TENM1: variants seen among roughly 807,000 people sequenced by gnomAD.
TENM1 encodes teneurin-1.
Under a neutral mutation model 174.8 loss-of-function variants are expected in TENM1, and 35 were observed. The ratio of observed to expected loss-of-function variants is 0.20; its 90% CI spans 0.15 to 0.27. The LOEUF is 0.27. TENM1 is among the 10% of genes least tolerant of loss of function. The probability of loss-of-function intolerance (pLI) is 1.00; values close to 1 mark genes in which losing one functional copy is unlikely to be tolerated. For synonymous variants in TENM1, 781 were observed against 798.7 expected (o/e 0.98, Z 0.37); for missense variants, 1,633 against 2,130.1 (o/e 0.77, Z 4.59).
chrX:124,568,178 A>C (rs2148181043), intron 11 of TENM1, among the ~76,000 whole-genome samples: 1 of 112,137 alleles, frequency 8.9e-6, no homozygotes, highest in Non-Finnish European at 1.9e-5. Context: ...GAGGATGCTA[A>C]AAGCCAAAGC....
chrX:124,407,235 A>T (rs986154192), intron 25 of TENM1, among the ~76,000 whole-genome samples: 10 of 104,732 alleles, frequency 9.5e-5, no homozygotes, highest in Non-Finnish European at 1.8e-4. Flanking sequence ...AAAAAAAAAA[A>T]AAATCAGAAT....
At chrX:124,492,028 A>G (rs2047078690) in intron 20 of TENM1, among the ~76,000 whole-genome samples, 1 of 111,923 alleles carries the variant, frequency 8.9e-6, no homozygotes, top group South Asian at 3.8e-4. Flanking sequence ...CCTGAAGTCA[A>G]TTTTATAGAT....
At chrX:124,579,231 T>C (rs770049610) in intron 11 of TENM1, among the ~76,000 whole-genome samples, 2 of 111,808 alleles carry the variant, frequency 1.8e-5, no homozygotes, top group Admixed American at 1.9e-4. Context: ...CACACTGAAG[T>C]CCAAAATCCT....
chrX:124,845,244 C>T (rs1248782889), intron 3 of TENM1, among the ~76,000 whole-genome samples: 6 of 111,593 alleles, frequency 5.4e-5, no homozygotes, highest in Admixed American at 1.9e-4. Context: ...GACACATATC[C>T]AGCACAGTGC....
At chrX:124,783,958 G>A (rs1199636905) in intron 3 of TENM1, among the ~76,000 whole-genome samples, 1 of 112,519 alleles carries the variant, frequency 8.9e-6, no homozygotes, top group Admixed American at 9.4e-5. Context: ...TCATGCATGT[G>A]TGAGGCTGAC....
At chrX:124,475,397 C>A (rs2061376070) in intron 22 of TENM1, among the ~76,000 whole-genome samples, 1 of 111,423 alleles carries the variant, frequency 9.0e-6, no homozygotes, top group Admixed American at 9.6e-5. Context: ...TTCCTGAGTT[C>A]ATTGGCCTCC....
At chrX:125,103,098 G>A in the TENM1 span, among the ~76,000 whole-genome samples, 1 of 112,204 alleles carries the variant, frequency 8.9e-6, no homozygotes, top group African/African-American at 3.2e-5. Context: ...ACTTGACATT[G>A]CAAATATATT....
chrX:125,015,281 T>C, the TENM1 span, among the ~76,000 whole-genome samples: 1 of 111,578 alleles, frequency 9.0e-6, no homozygotes, highest in South Asian at 3.8e-4. Flanking sequence ...GAAATGTAAC[T>C]GGGCATCCTA....
intron 11 of TENM1, among the ~76,000 whole-genome samples, chrX:124,605,412 C>T (rs912611531): frequency 1.8e-5 from 2 of 108,553 alleles, no homozygotes; most frequent in African/African-American, 3.3e-5. Context: ...TCTACAGGAC[C>T]TTTTGTTGTA....
chrX:124,794,180 C>T (rs1480084907), intron 3 of TENM1, among the ~76,000 whole-genome samples: 2 of 110,931 alleles, frequency 1.8e-5, no homozygotes, highest in African/African-American at 6.6e-5. Flanking sequence ...AATAAGCATT[C>T]GGGAACTAAA....
the TENM1 span, among the ~76,000 whole-genome samples, chrX:125,024,738 C>A: frequency 9.0e-6 from 1 of 111,533 alleles, no homozygotes; most frequent in Non-Finnish European, 1.9e-5. Flanking sequence ...GTATTTAGAC[C>A]TCCCAAATCT....
At chrX:124,548,810 A>C (rs2048491388) in intron 14 of TENM1, among the ~76,000 whole-genome samples, 1 of 110,883 alleles carries the variant, frequency 9.0e-6, no homozygotes, top group Non-Finnish European at 1.9e-5. Flanking sequence ...AGCTGGGGGC[A>C]ATGAAAGCGA....
chrX:124,548,428 A>T (rs753262777), intron 14 of TENM1, among the ~76,000 whole-genome samples: 2 of 111,434 alleles, frequency 1.8e-5, no homozygotes, highest in African/African-American at 6.5e-5. Context: ...GGAGAAAGAG[A>T]TATGTAAACA....
chrX:125,176,516 T>G, the TENM1 span, among the ~76,000 whole-genome samples: 390 of 111,678 alleles, frequency 3.5e-3, 3 homozygotes, highest in African/African-American at 0.012. Flanking sequence ...AGGCCAAGAT[T>G]TTCTCAGACT....
At chrX:124,592,166 T>A (rs2049763343) in intron 11 of TENM1, among the ~76,000 whole-genome samples, 1 of 112,232 alleles carries the variant, frequency 8.9e-6, no homozygotes, top group Admixed American at 9.5e-5. Flanking sequence ...TGTGTTGATT[T>A]TCAACCTTGT....
the TENM1 span, among the ~76,000 whole-genome samples, chrX:125,059,393 T>C: frequency 8.9e-6 from 1 of 111,735 alleles, no homozygotes. Context: ...AAAGTTACTA[T>C]AGCAAAGCAA....
At chrX:125,139,959 G>C in the TENM1 span, among the ~76,000 whole-genome samples, 1 of 110,257 alleles carries the variant, frequency 9.1e-6, no homozygotes, top group Non-Finnish European at 1.9e-5. Flanking sequence ...ACTATCCTTT[G>C]ATGATGATCT....
At chrX:124,604,808 C>T (rs1251799227) in intron 11 of TENM1, among the ~76,000 whole-genome samples, 1 of 110,746 alleles carries the variant, frequency 9.0e-6, no homozygotes, top group Non-Finnish European at 1.9e-5. Context: ...AATCCTAGAT[C>T]CAGTAGCTGT....
At chrX:124,459,584 A>G (rs944165335) in intron 22 of TENM1, among the ~76,000 whole-genome samples, 4 of 111,912 alleles carry the variant, frequency 3.6e-5, no homozygotes, top group African/African-American at 1.3e-4. Context: ...CATATACAAA[A>G]ATTAACTCAA....
Sources: gnomAD v4.1 joint callset for allele counts (sites outside exome capture counted in the v4.1 genomes callset) on GRCh38, gnomAD v4.1.1 for gene constraint, MANE v1.5 for transcripts, NCBI Gene and HGNC (gene_info 2026-07-23, HGNC 2026-07-21) for gene names.